The following ADK variants were observed in gnomAD, a reference collection of about 807,000 sequenced individuals.
ADK encodes the protein N6,N6-dimethyladenosine kinase.
ADK carries 24 observed loss-of-function variants against 44.7 expected under a neutral mutation model. The observed-to-expected ratio is 0.54, with a 90% CI of 0.39 to 0.76. The LOEUF (loss-of-function observed/expected upper bound fraction) is 0.76, where lower values mean the gene tolerates loss of function less well. Ranked by LOEUF, ADK falls within the 30% of genes least tolerant of loss-of-function variation. The pLI is 0.00. For missense variants in ADK, 321 were observed against 425.1 expected (o/e 0.76, Z 2.15); for synonymous variants, 128 against 142.6 (o/e 0.90, Z 0.73).
At chr10:74,394,870 C>G (rs1407987126) in intron 5 of ADK, among the ~76,000 whole-genome samples, 1 of 152,070 alleles carries the variant, frequency 6.6e-6, no homozygotes, top group Admixed American at 6.5e-5. Flanking sequence ...AACAAAACAA[C>G]CAAGTATATT....
chr10:74,517,554 T>C (rs138352665), intron 6 of ADK, among the ~76,000 whole-genome samples: 4 of 151,970 alleles, frequency 2.6e-5, no homozygotes, highest in African/African-American at 7.2e-5. Context: ...CTGGGCGTCG[T>C]GGTGCATGCC....
intron 10 of ADK, among the ~76,000 whole-genome samples, chr10:74,693,820 G>A (rs1218765859): frequency 2.6e-5 from 4 of 152,182 alleles, no homozygotes; most frequent in African/African-American, 9.7e-5. Flanking sequence ...TCTAAGAAGA[G>A]TGACCAATTT....
chr10:74,304,398 A>G (rs1037149360), intron 3 of ADK, among the ~76,000 whole-genome samples: 40 of 152,296 alleles, frequency 2.6e-4, no homozygotes, highest in African/African-American at 8.9e-4. Flanking sequence ...TGCATTATAC[A>G]CGCACACACT....
chr10:74,425,185 G>A (rs1464103906), intron 6 of ADK, among the ~76,000 whole-genome samples: 2 of 152,160 alleles, frequency 1.3e-5, no homozygotes, highest in Non-Finnish European at 2.9e-5. Flanking sequence ...TAAATGTTGG[G>A]CTTAAAGTTT....
chr10:74,583,879 C>G (rs1301128693), intron 7 of ADK, among the ~76,000 whole-genome samples: 1 of 152,172 alleles, frequency 6.6e-6, no homozygotes, highest in Non-Finnish European at 1.5e-5. Context: ...GGAGGATCTT[C>G]TTCCAAGCCC....
chr10:74,380,789 A>G (rs1195278005), intron 4 of ADK, among the ~76,000 whole-genome samples: 1 of 152,114 alleles, frequency 6.6e-6, no homozygotes, highest in Non-Finnish European at 1.5e-5. Context: ...TTTAGCTATT[A>G]GCTTCTAGGC....
intron 7 of ADK, among the ~76,000 whole-genome samples, chr10:74,557,090 C>T (rs1463339886): frequency 6.6e-6 from 1 of 152,128 alleles, no homozygotes; most frequent in Non-Finnish European, 1.5e-5. Context: ...AGTGGCACTA[C>T]AAATTCAAAA....
intron 9 of ADK, among the ~76,000 whole-genome samples, chr10:74,637,839 A>T (rs1362250880): frequency 1.3e-5 from 2 of 152,224 alleles, no homozygotes; most frequent in Non-Finnish European, 2.9e-5. Flanking sequence ...CCTTACAAAG[A>T]CACATGAAGA....
intron 9 of ADK, among the ~76,000 whole-genome samples, chr10:74,610,595 T>C (rs1200422261): frequency 6.6e-6 from 1 of 152,140 alleles, no homozygotes; most frequent in African/African-American, 2.4e-5. Context: ...AAGCATATTT[T>C]TCAATTTAAA....
chr10:74,605,507 G>A (rs902607228), intron 9 of ADK, among the ~76,000 whole-genome samples: 7 of 152,116 alleles, frequency 4.6e-5, no homozygotes, highest in Admixed American at 3.9e-4. Flanking sequence ...GTAATCATGT[G>A]GCTTTTGTTA....
Position 74,384,182 on chromosome 10 carries a change from C to T in ADK, c.274-9959C>T, listed in dbSNP as rs74759004. ...TTAAATTGTAAGTTTTAAGAAGATA[C>T]AATCCTGGCTTTCCTGTTCACTTAT... On this transcript the variant is annotated intron_variant, in intron 4 of 10. Transcript: ENST00000539909. 5.2e-3 allele frequency among the ~76,000 whole-genome samples: 796 copies of T among 152,184 alleles called. 12 individuals are homozygous for T. Among genetic ancestry groups the T allele is most frequent in the African/African-American group, 0.017 (720 of 41,544 alleles).
At chr10:74,451,509 A>G (rs576128276) in intron 6 of ADK, among the ~76,000 whole-genome samples, 25 of 152,128 alleles carry the variant, frequency 1.6e-4, no homozygotes, top group Non-Finnish European at 2.4e-4. Flanking sequence ...AATAATTTAT[A>G]TTCTTTGAAA....
intron 9 of ADK, among the ~76,000 whole-genome samples, chr10:74,626,613 A>C (rs529172422): frequency 6.6e-6 from 1 of 152,246 alleles, no homozygotes; most frequent in South Asian, 2.1e-4. Flanking sequence ...CAAGAGTCTA[A>C]ATTTATAGGA....
intron 3 of ADK, among the ~76,000 whole-genome samples, chr10:74,284,537 TA>T (rs1282431774): frequency 6.6e-6 from 1 of 152,252 alleles, no homozygotes; most frequent in Non-Finnish European, 1.5e-5. Context: ...GTGCTGGGAT[TA>T]CAGGCGTGAG....
chr10:74,684,862 C>T (rs1855733777), intron 10 of ADK, among the ~76,000 whole-genome samples: 1 of 152,160 alleles, frequency 6.6e-6, no homozygotes, highest in Non-Finnish European at 1.5e-5. Flanking sequence ...GTGATCTAAA[C>T]ACATAAAACT....
chr10:74,471,981 T>G (rs558427547), intron 6 of ADK, among the ~76,000 whole-genome samples: 1 of 152,346 alleles, frequency 6.6e-6, no homozygotes, highest in South Asian at 2.1e-4. Context: ...TGTTTCCAAC[T>G]TGTATGCCTC....
At chr10:74,668,445 C>T (rs1028073442) in intron 9 of ADK, among the ~76,000 whole-genome samples, 2 of 152,052 alleles carry the variant, frequency 1.3e-5, no homozygotes, top group African/African-American at 4.8e-5. Flanking sequence ...AGTTCAGTTA[C>T]TTAAAGAGTT....
chr10:74,546,971 G>A (rs1849842930), intron 7 of ADK, among the ~76,000 whole-genome samples: 1 of 152,062 alleles, frequency 6.6e-6, no homozygotes, highest in Non-Finnish European at 1.5e-5. Flanking sequence ...ATATCACCCA[G>A]CATTAACTAC....
chr10:74,553,485 CA>C (rs1425689485), intron 7 of ADK, among the ~76,000 whole-genome samples: 1 of 151,992 alleles, frequency 6.6e-6, no homozygotes, highest in Non-Finnish European at 1.5e-5. Flanking sequence ...AGGCATGAGC[CA>C]CCGCGCCTGG....
Sources: allele counts gnomAD v4.1 joint callset (sites outside exome capture counted in the v4.1 genomes callset), GRCh38; gene constraint gnomAD v4.1.1; transcripts MANE v1.5; gene names NCBI Gene and HGNC (gene_info 2026-07-23, HGNC 2026-07-21).